The following LTBP1 variants were observed in gnomAD, a reference collection of about 807,000 sequenced individuals.
LTBP1 encodes the protein latent transforming growth factor beta binding protein 1.
In LTBP1, 129 loss-of-function variants were observed where a neutral mutation model predicts 207.6. That is an observed-to-expected ratio of 0.62 (90% CI 0.54 to 0.72). LTBP1 has a LOEUF of 0.72. Among genes scored for constraint, LTBP1 ranks in the 30% least tolerant of loss-of-function variants. The pLI, the probability that LTBP1 is intolerant of heterozygous loss-of-function variation, is 0.00. For synonymous variants in LTBP1, 963 were observed against 833.7 expected (o/e 1.16, Z -2.67); for missense variants, 2,281 against 2,217.2 (o/e 1.03, Z -0.58).
At chr2:33,218,917 G>T (rs1250500106) in intron 8 of LTBP1, among the ~76,000 whole-genome samples, 3 of 151,982 alleles carry the variant, frequency 2.0e-5, no homozygotes, top group Non-Finnish European at 4.4e-5. Context: ...CTGTTGATTT[G>T]ATTGTATTCT....
At chr2:33,011,300 T>C (rs1430668884) in intron 2 of LTBP1, among the ~76,000 whole-genome samples, 1 of 152,138 alleles carries the variant, frequency 6.6e-6, no homozygotes, top group Non-Finnish European at 1.5e-5. Flanking sequence ...CAGAAAAGCA[T>C]TGTTACAGAG....
At chr2:33,167,739 G>A (rs1219428727) in intron 5 of LTBP1, among the ~76,000 whole-genome samples, 1 of 152,192 alleles carries the variant, frequency 6.6e-6, no homozygotes, top group Non-Finnish European at 1.5e-5. Context: ...ATGTGCAGTG[G>A]TCAGAAGAGT....
chr2:33,317,581 G>T (rs1186470078), intron 24 of LTBP1: 1 of 152,242 alleles, frequency 6.6e-6, no homozygotes. Flanking sequence ...GTATTCAGCA[G>T]TGAGGCTGAT....
intron 5 of LTBP1, among the ~76,000 whole-genome samples, chr2:33,139,470 G>A (rs912189966): frequency 4.6e-5 from 7 of 152,210 alleles, no homozygotes; most frequent in Non-Finnish European, 7.3e-5. Context: ...CTAAATTAAG[G>A]TAGAGAGCTG....
chr2:33,235,342 A>G (rs1327833732), intron 9 of LTBP1, among the ~76,000 whole-genome samples: 1 of 152,226 alleles, frequency 6.6e-6, no homozygotes, highest in Non-Finnish European at 1.5e-5. Context: ...AATCAAAACC[A>G]CAATGAGATA....
At chr2:33,326,079 T>TA (rs34397149) in intron 24 of LTBP1, among the ~76,000 whole-genome samples, 52,505 of 148,840 alleles carry the variant, frequency 0.35, 9,855 homozygotes, top group Non-Finnish European at 0.44. Flanking sequence ...TTGCTTTTGT[T>TA]AAAAAAAAAA....
At chr2:33,014,895 G>A (rs950761274) in intron 2 of LTBP1, among the ~76,000 whole-genome samples, 1 of 151,680 alleles carries the variant, frequency 6.6e-6, no homozygotes, top group Non-Finnish European at 1.5e-5. Flanking sequence ...ATGGTGTAGG[G>A]TTTTGTTGCT....
chr2:33,326,910 A>G (rs1359208573), intron 24 of LTBP1, among the ~76,000 whole-genome samples: 1 of 152,054 alleles, frequency 6.6e-6, no homozygotes, highest in African/African-American at 2.4e-5. Context: ...CAGTCTCCCA[A>G]AGTGCTAGGA....
At chr2:33,380,368 G>A (rs553447058) in intron 31 of LTBP1, among the ~76,000 whole-genome samples, 2 of 151,058 alleles carry the variant, frequency 1.3e-5, no homozygotes, top group Non-Finnish European at 2.9e-5. Context: ...CCTGAGGTCA[G>A]GAGTTTGAGA....
chr2:33,396,173 C>T (rs543201754), intron 32 of LTBP1, among the ~76,000 whole-genome samples: 174 of 138,350 alleles, frequency 1.3e-3, no homozygotes, highest in African/African-American at 4.4e-3. Flanking sequence ...ACTTTTGGTT[C>T]TGTTTTTTTT....
At chr2:33,305,182 G>A (rs983505940) in intron 22 of LTBP1, among the ~76,000 whole-genome samples, 23 of 152,204 alleles carry the variant, frequency 1.5e-4, no homozygotes, top group African/African-American at 5.1e-4. Context: ...AAATTATCTG[G>A]GTGTGGCGGC....
Position 33,243,768 on chromosome 2 carries a change from C to CT in LTBP1, c.1987dup (p.Ser663PhefsTer6). On this transcript the variant is annotated frameshift_variant, in exon 10 of 34. Coordinates refer to ENST00000404816, the MANE Select transcript of LTBP1 (RefSeq NM_206943.4). LOFTEE classifies it high-confidence loss of function. ...AAATAGGATTTGGGCCGGATCCTAC[C>CT]TTTTCAAGTTGTGTTCGTAAGTAAT... The CT allele has an allele frequency of 6.2e-7, 1 of 1,614,006 alleles. No homozygotes were observed. The highest frequency in any genetic ancestry group is 8.5e-7 in the Non-Finnish European group (1 of 1,179,934).
intron 3 of LTBP1, among the ~76,000 whole-genome samples, chr2:33,061,174 A>G (rs192991505): frequency 4.9e-4 from 74 of 152,272 alleles, no homozygotes; most frequent in Non-Finnish European, 9.3e-4. Context: ...AATCTTACAT[A>G]TTACAAGATG....
intron 17 of LTBP1, among the ~76,000 whole-genome samples, chr2:33,275,552 T>G (rs1293636353): frequency 6.6e-6 from 1 of 151,896 alleles, no homozygotes; most frequent in Non-Finnish European, 1.5e-5. Context: ...GGCATGGTGG[T>G]GCATGCCTGT....
intron 7 of LTBP1, among the ~76,000 whole-genome samples, chr2:33,213,948 C>G (rs1180399529): frequency 6.6e-6 from 1 of 152,166 alleles, no homozygotes; most frequent in Non-Finnish European, 1.5e-5. Context: ...AACCTTGTAC[C>G]TTTCTGGAGG....
chr2:33,381,805 A>C (rs1349578715), intron 31 of LTBP1, among the ~76,000 whole-genome samples: 2 of 152,166 alleles, frequency 1.3e-5, no homozygotes, highest in South Asian at 4.1e-4. Context: ...GGGAGTAGAA[A>C]GAACATGGTT....
intron 24 of LTBP1, among the ~76,000 whole-genome samples, chr2:33,328,293 C>T (rs972173913): frequency 1.3e-5 from 2 of 152,046 alleles, no homozygotes; most frequent in Non-Finnish European, 2.9e-5. Context: ...GTGATTATTC[C>T]CCACCCTCAT....
chr2:33,221,072 A>G (rs1415128610), intron 8 of LTBP1, among the ~76,000 whole-genome samples: 1 of 151,938 alleles, frequency 6.6e-6, no homozygotes, highest in Admixed American at 6.6e-5. Context: ...TAGTGGTTTA[A>G]TCTTTCATCC....
intron 22 of LTBP1, among the ~76,000 whole-genome samples, chr2:33,306,632 A>G (rs140819796): frequency 2.2e-3 from 332 of 151,960 alleles, no homozygotes; most frequent in Admixed American, 4.2e-3. Context: ...TGAGGCAAAC[A>G]TCTAGGTTAT....
Sources: allele counts gnomAD v4.1 joint callset (sites outside exome capture counted in the v4.1 genomes callset), GRCh38; gene constraint gnomAD v4.1.1; transcripts MANE v1.5; gene names NCBI Gene and HGNC (gene_info 2026-07-23, HGNC 2026-07-21).